EFCAB7: variants seen among roughly 807,000 people sequenced by gnomAD.
The protein encoded by EFCAB7 is EF-hand calcium binding domain 7, also known as EF-hand calcium-binding domain-containing protein 7.
EFCAB7 carries 66 observed loss-of-function variants against 77.1 expected under a neutral mutation model. The observed-to-expected ratio is 0.86, with a 90% CI of 0.70 to 1.05. The LOEUF is 1.05. Ranked by LOEUF, EFCAB7 falls within the 50% of genes least tolerant of loss-of-function variation. The probability of loss-of-function intolerance (pLI) is 0.00; values close to 1 mark genes in which losing one functional copy is unlikely to be tolerated. For synonymous variants in EFCAB7, 225 were observed against 243.3 expected (o/e 0.92, Z 0.70); for missense variants, 638 against 730.5 (o/e 0.87, Z 1.46).
intron 12 of EFCAB7, chr1:63,570,357 T>TAGAGG (rs1647225316): frequency 6.6e-6 from 1 of 152,210 alleles, no homozygotes; most frequent in Non-Finnish European, 1.5e-5. Context: ...GTCTTTTATC[T>TAGAGG]CAGTTGTCAC....
the EFCAB7 span, among the ~76,000 whole-genome samples, chr1:63,581,382 TA>T: frequency 0.37 from 36,574 of 98,902 alleles, 6,839 homozygotes; most frequent in African/African-American, 0.51. Context: ...TCCCGTCTCT[TA>T]AAAAAAAAAA....
chr1:63,530,227 C>A (rs1646671364), intron 2 of EFCAB7, among the ~76,000 whole-genome samples: 1 of 152,044 alleles, frequency 6.6e-6, no homozygotes, highest in South Asian at 2.1e-4. Flanking sequence ...ACTTACTGGT[C>A]CTTATTACAT....
intron 8 of EFCAB7, among the ~76,000 whole-genome samples, chr1:63,553,929 G>A (rs1008589962): frequency 6.6e-6 from 1 of 152,062 alleles, no homozygotes; most frequent in African/African-American, 2.4e-5. Flanking sequence ...TGAACTCCTG[G>A]GTGAAAATGA....
downstream of EFCAB7, among the ~76,000 whole-genome samples, chr1:63,573,174 G>T (rs1451694229): frequency 1.3e-5 from 2 of 152,066 alleles, no homozygotes; most frequent in African/African-American, 4.8e-5. Flanking sequence ...AAAATTTTTG[G>T]GGGTGGTATG....
intron 6 of EFCAB7, among the ~76,000 whole-genome samples, chr1:63,544,921 C>CT (rs34798915): frequency 0.042 from 5,792 of 138,198 alleles, 188 homozygotes; most frequent in African/African-American, 0.09. Context: ...TCTTTTCTTT[C>CT]TTTTTTTTTT....
intron 11 of EFCAB7, among the ~76,000 whole-genome samples, chr1:63,564,912 C>T (rs967130663): frequency 2.0e-4 from 31 of 152,152 alleles, no homozygotes; most frequent in Admixed American, 1.1e-3. Context: ...AGACTGCACA[C>T]CTACACCTGT....
chr1:63,545,247 T>G (rs1276305283), intron 6 of EFCAB7, among the ~76,000 whole-genome samples: 2 of 152,008 alleles, frequency 1.3e-5, no homozygotes, highest in African/African-American at 4.8e-5. Context: ...TTCTTTACCT[T>G]ATATCTTTTC....
At chr1:63,552,264 G>C (rs1646974781) in intron 8 of EFCAB7, among the ~76,000 whole-genome samples, 1 of 152,086 alleles carries the variant, frequency 6.6e-6, no homozygotes, top group Admixed American at 6.6e-5. Context: ...TTGAGGATTG[G>C]TTGGCAGTCT....
chr1:63,567,995 T>C (rs1425967736), intron 11 of EFCAB7, among the ~76,000 whole-genome samples: 1 of 152,180 alleles, frequency 6.6e-6, no homozygotes, highest in African/African-American at 2.4e-5. Context: ...AAAAGAAAAT[T>C]AAATAACATG....
chr1:63,541,570 T>G (rs1183167421), intron 6 of EFCAB7, among the ~76,000 whole-genome samples: 2 of 152,162 alleles, frequency 1.3e-5, no homozygotes, highest in Non-Finnish European at 2.9e-5. Flanking sequence ...CTCAATGTTT[T>G]TGTTTTTTTT....
intron 12 of EFCAB7, 76 bp from the exon 13 acceptor site, chr1:63,570,945 G>C: frequency 9.8e-7 from 1 of 1,023,352 alleles, no homozygotes; most frequent in Non-Finnish European, 1.4e-6. Context: ...AGAATTTCAG[G>C]GTTTATTCTG....
At chr1:63,574,959 TA>T (rs1467488850), downstream of EFCAB7, among the ~76,000 whole-genome samples, 1 of 152,180 alleles carries the variant, frequency 6.6e-6, no homozygotes, top group Non-Finnish European at 1.5e-5. Context: ...AGTGGAAAAT[TA>T]AAATGAATTT....
chr1:63,544,185 G>T (rs1040374365), intron 6 of EFCAB7, among the ~76,000 whole-genome samples: 6 of 151,900 alleles, frequency 3.9e-5, no homozygotes, highest in Non-Finnish European at 8.8e-5. Flanking sequence ...GGCCAGTCTG[G>T]TCTTGAAATT....
intron 12 of EFCAB7, chr1:63,569,158 CTT>C (rs1420109852): frequency 6.6e-6 from 1 of 152,038 alleles, no homozygotes; most frequent in East Asian, 1.9e-4. Context: ...GTACTGTTGA[CTT>C]ATTTCTTTTA....
chr1:63,562,458 T>C (rs1647117044), intron 11 of EFCAB7, among the ~76,000 whole-genome samples: 1 of 26,766 alleles, frequency 3.7e-5, no homozygotes, highest in Middle Eastern at 0.028. Flanking sequence ...TTTATATATA[T>C]ATATATATAT....
At chr1:63,552,908 T>A (rs886328452) in intron 8 of EFCAB7, among the ~76,000 whole-genome samples, 48 of 152,332 alleles carry the variant, frequency 3.2e-4, no homozygotes, top group African/African-American at 1.1e-3. Flanking sequence ...ACTACAAAGT[T>A]AAGTTCAAGA....
intron 8 of EFCAB7, among the ~76,000 whole-genome samples, chr1:63,554,483 GCGCCCGC>G (rs1253540113): frequency 6.6e-6 from 1 of 152,280 alleles, no homozygotes; most frequent in African/African-American, 2.4e-5. Context: ...GGGATTATAG[GCGCCCGC>G]CACCATGCCC....
intron 8 of EFCAB7, among the ~76,000 whole-genome samples, chr1:63,554,761 CTG>C (rs2100909296): frequency 6.6e-6 from 1 of 152,240 alleles, no homozygotes; most frequent in East Asian, 1.9e-4. Flanking sequence ...ATTTGGGATT[CTG>C]TGTCTTATTT....
chr1:63,571,090 A>G lies in EFCAB7; in HGVS notation c.1777A>G (p.Asn593Asp). Reference sequence around the variant, plus strand: ...AAACTGCATAAACAACAGAGGACTCAACATATTTGCAGTAGAAGTGGGACC... The same window carrying G: ...AAACTGCATAAACAACAGAGGACTCGACATATTTGCAGTAGAAGTGGGACC... ...SKNCINNRGL[N>D]IFAVEVGPKS... Residue 593 changes from asparagine to aspartate, a missense_variant, in exon 13 of 14, where the codon AAC becomes GAC. Asn to Asp is a conservative substitution (Grantham distance 23, BLOSUM62 1). Coordinates refer to ENST00000371088, the MANE Select transcript of EFCAB7 (RefSeq NM_032437.4). 1 of 1,611,994 alleles carries G rather than the reference A, an allele frequency of 6.2e-7. No individual in the cohort carries two copies. Among genetic ancestry groups the G allele is most frequent in the Non-Finnish European group, 8.5e-7 (1 of 1,178,982 alleles).
Sources: allele counts gnomAD v4.1 joint callset (sites outside exome capture counted in the v4.1 genomes callset), GRCh38; gene constraint gnomAD v4.1.1; transcripts MANE v1.5; gene names NCBI Gene and HGNC (gene_info 2026-07-23, HGNC 2026-07-21).